Variants in UXT observed in about 807,000 individuals in gnomAD.
UXT encodes protein UXT.
For synonymous variants in UXT, 54 were observed against 52.8 expected (o/e 1.02, Z -0.10); for missense variants, 111 against 132.7 (o/e 0.84, Z 0.80).
chrX:47,655,275 C>T (rs768947237), intron 4 of UXT, among the ~76,000 whole-genome samples: 3 of 112,013 alleles, frequency 2.7e-5, no homozygotes, highest in South Asian at 3.7e-4. Context: ...AGCAAAATTC[C>T]GTCTCAAAAA....
chrX:47,653,051 C>T (rs1162383565), intron 4 of UXT, among the ~76,000 whole-genome samples: 1 of 111,552 alleles, frequency 9.0e-6, no homozygotes, highest in Non-Finnish European at 1.9e-5. Context: ...CAAGAGGCAA[C>T]AAAGAGCTGT....
intron 4 of UXT, chrX:47,653,907 A>G (rs896520126): frequency 7.0e-6 from 1 of 142,507 alleles, no homozygotes; most frequent in Non-Finnish European, 1.2e-5. Flanking sequence ...AGAGAGCAAG[A>G]ATACTTTCAA....
At position 47,657,168 on chromosome X, in the gene UXT, A is replaced by C; in HGVS notation, c.392+15T>G. ...GGTGGTGTTTTTACACACTATCCTC[A>C]TGGAATGGACTTACTCTGTGAGGAG... On this transcript the variant is annotated intron_variant, in intron 4 of 5. Coordinates refer to ENST00000335890, the MANE Select transcript of UXT (RefSeq NM_153477.3). 8.6e-7 allele frequency: 1 copy of C among 1,167,282 alleles called. No individual in the cohort carries two copies. Among genetic ancestry groups the C allele is most frequent in the South Asian group, 1.9e-5 (1 of 53,691 alleles).
At position 47,657,204 on chromosome X, in the gene UXT, C is replaced by T. The variant is rs769179056; in HGVS notation, c.371G>A (p.Arg124His). The T allele has an allele frequency of 3.3e-6, 4 of 1,204,575 alleles. No individual in the cohort carries two copies. The highest frequency in any genetic ancestry group is 1.8e-5 in the South Asian group (1 of 55,493). ...TTACTCTGTGAGGAGAGAGCTCTTA[C>T]GATCAATGAACTTGAGAGCTTCTGC... Residue 124 changes from arginine to histidine, a missense_variant, in exon 4 of 6, where the codon CGT becomes CAT. Arg to His is a conservative substitution (Grantham distance 29, BLOSUM62 0). Transcript: ENST00000335890.
chrX:47,655,009 G>A (rs1034094327), intron 4 of UXT, among the ~76,000 whole-genome samples: 1 of 112,423 alleles, frequency 8.9e-6, no homozygotes, highest in Non-Finnish European at 1.9e-5. Flanking sequence ...AGCTGGGCGC[G>A]GTAGCTCACA....
intron 4 of UXT, among the ~76,000 whole-genome samples, chrX:47,656,554 T>A (rs758459934): frequency 9.0e-6 from 1 of 111,224 alleles, no homozygotes; most frequent in Non-Finnish European, 1.9e-5. Flanking sequence ...GGGCTGTAAT[T>A]TGAAAGTTAG....
In UXT at chrX:47,651,910, A is replaced by C; in HGVS notation, c.457-15T>G. 8.3e-7 allele frequency: 1 copy of C among 1,210,168 alleles called. No individual in the cohort carries two copies. The highest frequency in any genetic ancestry group is 1.1e-6 in the Non-Finnish European group (1 of 894,528). ...TCTCTAAGCCCCTGAAAAAGAGGACAGAAGAGATTGAACAAAGACTGGGTC... is the reference window on the plus strand; with the variant it reads ...TCTCTAAGCCCCTGAAAAAGAGGACCGAAGAGATTGAACAAAGACTGGGTC... On this transcript the variant is annotated splice_polypyrimidine_tract_variant and intron_variant, in intron 5 of 5. Transcript: ENST00000335890.
chrX:47,651,862 G>A lies in UXT; in HGVS notation c.490C>T (p.Pro164Ser). The change falls in exon 6 of 6, where the codon CCA becomes TCA. Residue 164 changes from proline to serine, a missense_variant. Coordinates refer to ENST00000335890, the MANE Select transcript of UXT (RefSeq NM_153477.3). The stretch of plus-strand genomic sequence containing the variant: ...AGAAGTCAATGGTGAGGCTTCTCTG[G>A]GAAATTCTGCAGGCCTTGTAGTTCT... 8.3e-7 allele frequency: 1 copy of A among 1,211,648 alleles called. No homozygotes were observed. The highest frequency in any genetic ancestry group is 1.1e-6 in the Non-Finnish European group (1 of 895,318).
intron 4 of UXT, among the ~76,000 whole-genome samples, chrX:47,652,911 C>T (rs2058072400): frequency 1.8e-5 from 2 of 112,166 alleles, no homozygotes; most frequent in South Asian, 7.4e-4. Context: ...CAGTTTGGAT[C>T]AGATCTCGCC....
intron 4 of UXT, among the ~76,000 whole-genome samples, chrX:47,654,861 G>T (rs1603099305): frequency 8.9e-6 from 1 of 112,385 alleles, no homozygotes; most frequent in Non-Finnish European, 1.9e-5. Context: ...AAAAAGACCA[G>T]GCAAGGGGGC....
intron 4 of UXT, among the ~76,000 whole-genome samples, chrX:47,655,284 A>C (rs951996913): frequency 6.2e-5 from 7 of 112,101 alleles, no homozygotes; most frequent in Non-Finnish European, 1.1e-4. Context: ...CCGTCTCAAA[A>C]ACAAAGTGGA....
At chrX:47,657,732 C>T in intron 2 of UXT, 50 bp downstream of exon 3, 2 of 1,186,060 alleles carry the variant, frequency 1.7e-6, no homozygotes, top group Non-Finnish European at 2.3e-6. Flanking sequence ...CCATTTCCCT[C>T]CCTTGCCCAC....
In UXT at chrX:47,657,878, G is replaced by C; in HGVS notation, c.135-15C>G. On this transcript the variant is annotated splice_polypyrimidine_tract_variant and intron_variant, in intron 1 of 5. Transcript: ENST00000335890. Reference sequence around the variant, plus strand: ...CCAGCACCTTTCTGATGGGACGAAAGTACAATGGTGACCAATAGGCAGCCC... The same window carrying C: ...CCAGCACCTTTCTGATGGGACGAAACTACAATGGTGACCAATAGGCAGCCC... 1.8e-6 allele frequency: 2 copies of C among 1,118,334 alleles called. No homozygotes were observed. Among genetic ancestry groups the C allele is most frequent in the Non-Finnish European group, 2.4e-6 (2 of 847,399 alleles). 92.2% of individuals were successfully genotyped at this position (1,118,334 alleles called of 1,213,427 possible).
chrX:47,657,723 C>T lies in UXT; in HGVS notation c.216+59G>A, dbSNP rs1394333446. The stretch of plus-strand genomic sequence containing the variant: ...GGGTTGGGTCTGGAGTCTCTCTTCC[C>T]ATTTCCCTCCCTTGCCCACACATAC... On this transcript the variant is annotated intron_variant, in intron 2 of 5. Transcript: ENST00000335890. 5 of 1,184,131 alleles carry T rather than the reference C, an allele frequency of 4.2e-6. No individual in the cohort carries two copies. The East Asian group carries it at 1.5e-4, about 35-fold the overall frequency.
At chrX:47,651,963 C>T in intron 5 of UXT, 68 bp from the exon 7 acceptor site, 4 of 1,183,475 alleles carry the variant, frequency 3.4e-6, no homozygotes, top group South Asian at 3.6e-5. Context: ...CTTGCTCTGA[C>T]CTCCCTCCCT....
intron 4 of UXT, 24 bp downstream of exon 5, chrX:47,657,159 A>G: frequency 8.8e-7 from 1 of 1,137,487 alleles, no homozygotes; most frequent in Non-Finnish European, 1.2e-6. Flanking sequence ...GTTTTTACAC[A>G]CTATCCTCAT....
Position 47,659,147 on chromosome X carries a change from G to A in UXT, c.-184C>T. The A allele has an allele frequency of 4.4e-6, 3 of 674,694 alleles. No individual in the cohort carries two copies. Among genetic ancestry groups the A allele is most frequent in the Non-Finnish European group, 6.9e-6 (3 of 434,296 alleles). 55.6% of individuals were successfully genotyped at this position (674,694 alleles called of 1,213,427 possible). On this transcript the variant is annotated 5_prime_UTR_variant, in exon 1 of 6. Transcript: ENST00000335890. ...CGCCAGCAATAAGAACGGTTGGTAG[G>A]AACCGCGGCTTCCGGGTGGCGCGGG... is the stretch of plus-strand genomic sequence containing the variant.
rs2058084176 is a variant in UXT, at chrX:47,656,557, A to T, written c.392+626T>A. The stretch of plus-strand genomic sequence containing the variant: ...CAAGCATGCCAGGGGCTGTAATTTG[A>T]AAGTTAGGTTACAGAGGGCCTTGTT... On this transcript the variant is annotated intron_variant, in intron 4 of 5. Coordinates refer to ENST00000335890, the MANE Select transcript of UXT (RefSeq NM_153477.3). 3.6e-5 allele frequency among the ~76,000 whole-genome samples: 4 copies of T among 111,669 alleles called. No homozygotes were observed. The Admixed American group carries it at 3.8e-4, about 11-fold the overall frequency.
chrX:47,657,521 G>A (rs775199056), intron 3 of UXT, 51 bp downstream of exon 4: 1 of 1,153,694 alleles, frequency 8.7e-7, no homozygotes, highest in South Asian at 1.9e-5. Context: ...GTTGCATGAG[G>A]GAAGGGGTAA....
Sources: gnomAD v4.1 joint callset for allele counts (sites outside exome capture counted in the v4.1 genomes callset) on GRCh38, gnomAD v4.1.1 for gene constraint, MANE v1.5 for transcripts, NCBI Gene and HGNC (gene_info 2026-07-23, HGNC 2026-07-21) for gene names.